MEGF6: variants seen among roughly 807,000 people sequenced by gnomAD.
MEGF6 encodes multiple epidermal growth factor-like domains protein 6.
Under a neutral mutation model 207.1 loss-of-function variants are expected in MEGF6, and 184 were observed. The ratio of observed to expected loss-of-function variants is 0.89; its 90% CI spans 0.79 to 1.00. The LOEUF (loss-of-function observed/expected upper bound fraction) is 1.00, where lower values mean the gene tolerates loss of function less well. MEGF6 is among the 50% of genes least tolerant of loss of function. The pLI, the probability that MEGF6 is intolerant of heterozygous loss-of-function variation, is 0.00. For synonymous variants in MEGF6, 1,038 were observed against 910.0 expected (o/e 1.14, Z -2.53); for missense variants, 2,282 against 2,202.9 (o/e 1.04, Z -0.72).
intron 7 of MEGF6, among the ~76,000 whole-genome samples, chr1:3,513,577 CTTTTTTT>C (rs757815891): frequency 1.1e-4 from 6 of 56,540 alleles, no homozygotes; most frequent in South Asian, 6.7e-4. Context: ...CACACCTGGG[CTTTTTTT>C]TTTTTTTTTT....
intron 27 of MEGF6, 38 bp from the exon 28 acceptor site, chr1:3,497,157 C>G (rs1640644564): frequency 6.5e-7 from 1 of 1,545,492 alleles, no homozygotes; most frequent in Non-Finnish European, 8.7e-7. Flanking sequence ...TGGCCCAGCC[C>G]CGCCAAGGAA....
At chr1:3,616,113 CTAATTTCCAAAGCAAA>C, upstream of MEGF6, among the ~76,000 whole-genome samples, 4 of 152,138 alleles carry the variant, frequency 2.6e-5, no homozygotes, top group Non-Finnish European at 5.9e-5. Flanking sequence ...ACTCAAGGTG[CTAATTTCCAAAGCAAA>C]CTGCTCCCCA....
At chr1:3,525,412 T>A (rs1446290344) in intron 4 of MEGF6, among the ~76,000 whole-genome samples, 2 of 152,178 alleles carry the variant, frequency 1.3e-5, no homozygotes, top group Admixed American at 1.3e-4. Context: ...TGCCTGGACT[T>A]CCACAGCCTG....
intron 4 of MEGF6, among the ~76,000 whole-genome samples, chr1:3,526,836 G>A (rs550043174): frequency 6.6e-6 from 1 of 152,316 alleles, no homozygotes; most frequent in Non-Finnish European, 1.5e-5. Context: ...CAAAAGCTAT[G>A]AGCCGAGCAT....
intron 3 of MEGF6, among the ~76,000 whole-genome samples, chr1:3,587,217 C>T (rs372139430): frequency 4.2e-4 from 64 of 152,350 alleles, no homozygotes; most frequent in East Asian, 1.3e-3. Flanking sequence ...CAGGCCTCAC[C>T]GAGGACTCCG....
chr1:3,579,999 G>C (rs1370595336), intron 3 of MEGF6, 70 bp from the exon 4 acceptor site: 11 of 1,166,464 alleles, frequency 9.4e-6, no homozygotes, highest in African/African-American at 4.9e-5. Context: ...GAGGCCTGAG[G>C]GTCTCTCGGG....
chr1:3,543,975 C>T (rs776307971), intron 4 of MEGF6, among the ~76,000 whole-genome samples: 10 of 152,190 alleles, frequency 6.6e-5, no homozygotes, highest in African/African-American at 1.2e-4. Flanking sequence ...AGGAGACCCC[C>T]GGCTCTGGCC....
intron 3 of MEGF6, among the ~76,000 whole-genome samples, chr1:3,587,940 G>A (rs1300015342): frequency 4.9e-4 from 4 of 8,166 alleles, no homozygotes; most frequent in Admixed American, 1.4e-3. Context: ...GAGGGGGCAG[G>A]AGGGGGCAGG....
chr1:3,566,824 C>T (rs1371212582), intron 4 of MEGF6, among the ~76,000 whole-genome samples: 1 of 152,188 alleles, frequency 6.6e-6, no homozygotes, highest in African/African-American at 2.4e-5. Flanking sequence ...AGCGATGGCC[C>T]CCAGAGCTCA....
At chr1:3,604,630 T>A (rs1644215491) in intron 1 of MEGF6, among the ~76,000 whole-genome samples, 1 of 152,154 alleles carries the variant, frequency 6.6e-6, no homozygotes, top group Admixed American at 6.5e-5. Context: ...GCCTCCTCCG[T>A]GCCCAGCACC....
chr1:3,596,798 G>A (rs2101853797), intron 2 of MEGF6, among the ~76,000 whole-genome samples: 1 of 152,020 alleles, frequency 6.6e-6, no homozygotes, highest in Non-Finnish European at 1.5e-5. Flanking sequence ...ATTTGGCAAG[G>A]GGCCTGCCTC....
chr1:3,619,521 T>C, the MEGF6 span, among the ~76,000 whole-genome samples: 1 of 150,184 alleles, frequency 6.7e-6, no homozygotes, highest in Admixed American at 6.6e-5. Context: ...TGGGAAGAGA[T>C]TGCATCATGG....
chr1:3,596,810 C>G (rs1192106760), intron 2 of MEGF6, among the ~76,000 whole-genome samples: 1 of 152,072 alleles, frequency 6.6e-6, no homozygotes, highest in Non-Finnish European at 1.5e-5. Flanking sequence ...GCCTGCCTCT[C>G]CCACTCTGGA....
the MEGF6 span, among the ~76,000 whole-genome samples, chr1:3,619,761 A>G: frequency 6.6e-6 from 1 of 152,236 alleles, no homozygotes; most frequent in Non-Finnish European, 1.5e-5. Context: ...TAGGAGTGTG[A>G]ACGTGGACTA....
At chr1:3,544,850 G>C (rs1307691889) in intron 4 of MEGF6, among the ~76,000 whole-genome samples, 1 of 152,176 alleles carries the variant, frequency 6.6e-6, no homozygotes, top group Admixed American at 6.5e-5. Flanking sequence ...GGGCAGAGGA[G>C]CCCATCTGGA....
At chr1:3,566,091 G>A (rs549778444) in intron 4 of MEGF6, among the ~76,000 whole-genome samples, 150 of 152,300 alleles carry the variant, frequency 9.8e-4, no homozygotes, top group African/African-American at 3.5e-3. Context: ...GGCCAGCACC[G>A]GCTGGAGACT....
At chr1:3,491,797 A>G (rs1421873530) in intron 35 of MEGF6, among the ~76,000 whole-genome samples, 1 of 150,434 alleles carries the variant, frequency 6.6e-6, no homozygotes, top group Non-Finnish European at 1.5e-5. Context: ...TGCGGGCAGC[A>G]AAGTCTGGGC....
intron 13 of MEGF6, 99 bp downstream of exon 13, chr1:3,508,459 G>A: frequency 7.1e-7 from 1 of 1,402,550 alleles, no homozygotes; most frequent in Non-Finnish European, 9.7e-7. Flanking sequence ...CCCAGGGCCA[G>A]CAGGCAGGAG....
At chr1:3,602,692 T>G in intron 1 of MEGF6, 92 bp from the exon 2 acceptor site, 1 of 1,500,324 alleles carries the variant, frequency 6.7e-7, no homozygotes, top group Non-Finnish European at 8.9e-7. Flanking sequence ...TGTCAGCTCA[T>G]CTGGAGTGAG....
Sources: allele counts gnomAD v4.1 joint callset (sites outside exome capture counted in the v4.1 genomes callset), GRCh38; gene constraint gnomAD v4.1.1; transcripts MANE v1.5; gene names NCBI Gene and HGNC (gene_info 2026-07-23, HGNC 2026-07-21).